PCDH7: variants seen among roughly 807,000 people sequenced by gnomAD.
The protein encoded by PCDH7 is protocadherin 7, also known as protocadherin-7.
In PCDH7, 17 loss-of-function variants were observed where a neutral mutation model predicts 58.9. That is an observed-to-expected ratio of 0.29 (90% CI 0.20 to 0.43). PCDH7 has a LOEUF of 0.43. Ranked by LOEUF, PCDH7 falls within the 20% of genes least tolerant of loss-of-function variation. PCDH7 has a pLI of 1.00. For missense variants in PCDH7, 1,274 were observed against 1,441.0 expected (o/e 0.88, Z 1.88); for synonymous variants, 664 against 616.4 (o/e 1.08, Z -1.14).
chr4:30,838,785 T>C (rs1374160336), intron 1 of PCDH7, among the ~76,000 whole-genome samples: 1 of 152,124 alleles, frequency 6.6e-6, no homozygotes, highest in Non-Finnish European at 1.5e-5. Flanking sequence ...ATAGTTCAAC[T>C]GAGAACCACT....
chr4:31,068,028 T>C (rs191910785), intron 3 of PCDH7, among the ~76,000 whole-genome samples: 1 of 152,128 alleles, frequency 6.6e-6, no homozygotes, highest in Non-Finnish European at 1.5e-5. Flanking sequence ...CATGAGCTTA[T>C]AGTTTAATGC....
chr4:30,963,928 A>G (rs2109463471), intron 3 of PCDH7, among the ~76,000 whole-genome samples: 1 of 152,292 alleles, frequency 6.6e-6, no homozygotes, highest in African/African-American at 2.4e-5. Context: ...CCATTCCGGG[A>G]CAATTTCTAC....
downstream of PCDH7, among the ~76,000 whole-genome samples, chr4:30,735,132 G>A (rs1369505342): frequency 2.0e-5 from 3 of 152,028 alleles, no homozygotes; most frequent in Admixed American, 2.0e-4. Context: ...TTTTGAGGGG[G>A]TATGAAGAAC....
chr4:30,946,202 T>C (rs1309428248), intron 2 of PCDH7, among the ~76,000 whole-genome samples: 2 of 152,158 alleles, frequency 1.3e-5, no homozygotes, highest in Admixed American at 6.5e-5. Context: ...TCATCAGGAA[T>C]ATTTATGCAG....
At chr4:30,838,359 G>T (rs1486982151) in intron 1 of PCDH7, among the ~76,000 whole-genome samples, 2 of 151,852 alleles carry the variant, frequency 1.3e-5, no homozygotes, top group African/African-American at 2.4e-5. Flanking sequence ...TCCTTTTCTG[G>T]AATGAACTCT....
rs568943728 is a variant in PCDH7 at position 30,770,246 on chromosome 4, G to C, written c.70+45650G>C. ...TCTGTTCTAAAAGTAGATTCCACCA[G>C]TGCTACTAACGTACCAAGTTCCAGT... On this transcript the variant is annotated intron_variant, in intron 1 of 3. Transcript: ENST00000509759. 3.9e-5 allele frequency among the ~76,000 whole-genome samples: 6 copies of C among 152,326 alleles called. No individual in the cohort carries two copies. The East Asian group carries it at 7.7e-4, about 20-fold the overall frequency.
intron 3 of PCDH7, among the ~76,000 whole-genome samples, chr4:31,104,450 T>C (rs1396162774): frequency 6.6e-6 from 1 of 152,230 alleles, no homozygotes; most frequent in Non-Finnish European, 1.5e-5. Flanking sequence ...TTTGTTCTTT[T>C]AGGTAAATGA....
Position 30,723,637 on chromosome 4 carries a change from G to A in PCDH7, c.2215G>A (p.Ala739Thr), listed in dbSNP as rs201404685. ...TTTTGTGATGGATGAAAATGACAAT[G>A]CTCCCACAGTTACCCTTCCCAAAAA... Residue 739 changes from alanine (A) to threonine (T), a missense_variant, in exon 1 of 2, where the codon GCT becomes ACT. Transcript: ENST00000361762. This position sits in a 1 kb window ranked among gnomAD's most constrained non-coding sequence, Gnocchi z 4.6. 5.0e-5 allele frequency: 80 copies of A among 1,614,032 alleles called. No homozygotes were observed. Among genetic ancestry groups the A allele is most frequent in the Non-Finnish European group, 1.1e-5 (13 of 1,180,046 alleles).
intron 1 of PCDH7, among the ~76,000 whole-genome samples, chr4:30,878,437 G>GA: frequency 6.6e-6 from 1 of 152,102 alleles, no homozygotes; most frequent in East Asian, 1.9e-4. Flanking sequence ...CTAGGAGGGA[G>GA]AATGGTAGAA....
At position 31,032,644 on chromosome 4, in the gene PCDH7, CAG is replaced by C. The variant is rs1182132811; in HGVS notation, c.*7+82442_*7+82443del. Among the ~76,000 whole-genome samples the C allele has an allele frequency of 1.8e-4, 17 of 95,830 alleles. No individual in the cohort carries two copies. In the East Asian group the frequency reaches 1.8e-3, roughly 10 times the overall value. 62.9% of individuals were successfully genotyped at this position (95,830 alleles called of 152,430 possible). A position where few individuals can be genotyped will look rare whatever the true frequency, so the allele number is the denominator to read the frequency against. ...AAGAAAGAAGAGAGAAAGAAAGCGA[CAG>C]AGAGAGAGAGAGGAAGGAAGGAAGG... On this transcript the variant is annotated intron_variant, in intron 3 of 3. Coordinates refer to the PCDH7 transcript ENST00000509759.
intron 3 of PCDH7, among the ~76,000 whole-genome samples, chr4:30,968,324 T>C (rs1749185668): frequency 8.6e-6 from 1 of 116,124 alleles, no homozygotes; most frequent in Non-Finnish European, 1.7e-5. Context: ...ATACACTATA[T>C]ATATATATAC....
intron 3 of PCDH7, among the ~76,000 whole-genome samples, chr4:31,032,965 G>C (rs1333957300): frequency 6.6e-6 from 1 of 151,920 alleles, no homozygotes; most frequent in Admixed American, 6.6e-5. Flanking sequence ...TCACATAATA[G>C]TGTTTATGAC....
In PCDH7 at chr4:30,722,253, C is replaced by A; in HGVS notation, c.831C>A (p.Thr277=). 1 of 1,596,544 alleles carries A rather than the reference C, an allele frequency of 6.3e-7. No individual in the cohort carries two copies. Among genetic ancestry groups the A allele is most frequent in the Non-Finnish European group, 8.5e-7 (1 of 1,172,676 alleles). The change falls in exon 1 of 2, where the codon ACC becomes ACA. Residue 277 remains threonine, a synonymous_variant. Transcript: ENST00000361762. This position sits in a 1 kb window ranked among gnomAD's most constrained non-coding sequence, Gnocchi z 7.6. Reference sequence around the variant, plus strand: ...AGCAGCGCGACTCCTACGAGCTGACCCTGCGAGTGCGCGACGGCGGCGACC... The same window carrying A: ...AGCAGCGCGACTCCTACGAGCTGACACTGCGAGTGCGCGACGGCGGCGACC...
intron 1 of PCDH7, among the ~76,000 whole-genome samples, chr4:30,777,280 A>G (rs553791940): frequency 6.6e-6 from 1 of 152,210 alleles, no homozygotes; most frequent in Admixed American, 6.5e-5. Context: ...GTAGAATGTT[A>G]GTATCACTAA....
At chr4:31,047,932 T>C (rs1294842687) in intron 3 of PCDH7, among the ~76,000 whole-genome samples, 1 of 152,058 alleles carries the variant, frequency 6.6e-6, no homozygotes, top group African/African-American at 2.4e-5. Flanking sequence ...CATTTTTAAA[T>C]GTCCACATGC....
At chr4:31,036,753 C>T (rs778238005) in intron 3 of PCDH7, among the ~76,000 whole-genome samples, 1 of 152,090 alleles carries the variant, frequency 6.6e-6, no homozygotes, top group Non-Finnish European at 1.5e-5. Flanking sequence ...TGTATTAGTT[C>T]ATTTTCACGT....
intron 3 of PCDH7, among the ~76,000 whole-genome samples, chr4:31,074,733 C>T (rs1282000700): frequency 5.3e-5 from 7 of 131,110 alleles, no homozygotes; most frequent in African/African-American, 1.8e-4. Context: ...TGCAGTGAGC[C>T]GAGATCACAC....
In PCDH7 at chr4:31,114,484, T is replaced by C. The variant is rs562641602; in HGVS notation, c.*8-27989T>C. ...ATATTGACCTATAAATTACCCCAAA[T>C]CTGCATTCAAAATACTTTTGGTAAT... On this transcript the variant is annotated intron_variant, in intron 3 of 3. Coordinates refer to the PCDH7 transcript ENST00000509759. 8.5e-5 allele frequency among the ~76,000 whole-genome samples: 13 copies of C among 152,296 alleles called. No homozygotes were observed. The South Asian group carries it at 2.7e-3, about 32-fold the overall frequency.
chr4:31,048,002 G>T (rs947490530), intron 3 of PCDH7, among the ~76,000 whole-genome samples: 5 of 151,942 alleles, frequency 3.3e-5, no homozygotes, highest in African/African-American at 4.8e-5. Context: ...CCTTATGGTT[G>T]CATAGTAGTT....
Sources: gnomAD v4.1 joint callset for allele counts (sites outside exome capture counted in the v4.1 genomes callset) on GRCh38, gnomAD v4.1.1 for gene constraint, Gnocchi (gnomAD v3.1) non-coding constraint, MANE v1.5 for transcripts, NCBI Gene and HGNC (gene_info 2026-07-23, HGNC 2026-07-21) for gene names.